The following TMEM178A variants were observed in gnomAD, a reference collection of about 807,000 sequenced individuals.
The protein encoded by TMEM178A is transmembrane protein 178A.
A neutral mutation model predicts 29.1 loss-of-function variants in TMEM178A; 12 were observed. The ratio of observed to expected loss-of-function variants is 0.41; its 90% CI spans 0.26 to 0.67. The LOEUF (loss-of-function observed/expected upper bound fraction) is 0.67. Ranked by LOEUF, TMEM178A falls within the 30% of genes least tolerant of loss-of-function variation. The pLI, the probability that TMEM178A is intolerant of heterozygous loss-of-function variation, is 0.29. For missense variants in TMEM178A, 366 were observed against 419.1 expected, an observed-to-expected ratio of 0.87 and a Z score of 1.11; for synonymous variants, 210 against 187.2, an observed-to-expected ratio of 1.12 and a Z score of -0.99.
chr2:39,702,168 G>T (rs527345000), intron 1 of TMEM178A, among the ~76,000 whole-genome samples: 1 of 151,652 alleles, frequency 6.6e-6, no homozygotes, highest in South Asian at 2.1e-4. Context: ...TTAGATTCTT[G>T]TCCCTTTCTA....
At chr2:39,731,003 T>A in the TMEM178A span, among the ~76,000 whole-genome samples, 1 of 152,212 alleles carries the variant, frequency 6.6e-6, no homozygotes, top group South Asian at 2.1e-4. Context: ...CAGTAAGCCA[T>A]TCCATCATGC....
At chr2:39,669,803 C>G (rs573427289) in intron 1 of TMEM178A, among the ~76,000 whole-genome samples, 1 of 152,206 alleles carries the variant, frequency 6.6e-6, no homozygotes, top group Non-Finnish European at 1.5e-5. Context: ...ATCTTGTTCA[C>G]TGGGATAACA....
the TMEM178A span, among the ~76,000 whole-genome samples, chr2:39,732,500 T>C: frequency 2.6e-5 from 4 of 152,166 alleles, no homozygotes; most frequent in African/African-American, 9.7e-5. Context: ...GCTTGGCGTG[T>C]CATTACTTCA....
chr2:39,724,883 C>T, the TMEM178A span, among the ~76,000 whole-genome samples: 4 of 152,222 alleles, frequency 2.6e-5, no homozygotes, highest in African/African-American at 9.7e-5. Context: ...GTCGAGCAGC[C>T]TCTACTTTAC....
At chr2:39,682,380 TG>T (rs879642351) in intron 1 of TMEM178A, among the ~76,000 whole-genome samples, 10 of 150,062 alleles carry the variant, frequency 6.7e-5, no homozygotes, top group Admixed American at 5.9e-4. Context: ...CAGTTTACTA[TG>T]TTTTTTTTTT....
intron 1 of TMEM178A, among the ~76,000 whole-genome samples, chr2:39,667,666 A>G (rs555001666): frequency 4.2e-4 from 64 of 152,280 alleles, no homozygotes; most frequent in African/African-American, 1.5e-3. Flanking sequence ...CATTTCTCAA[A>G]CATGTCAACT....
intron 3 of TMEM178A, among the ~76,000 whole-genome samples, chr2:39,708,281 A>G (rs941651175): frequency 3.3e-5 from 5 of 151,962 alleles, no homozygotes; most frequent in African/African-American, 1.2e-4. Flanking sequence ...ACAGGATAGT[A>G]TCACATGAGG....
chr2:39,706,792 C>T (rs888887360), intron 2 of TMEM178A, among the ~76,000 whole-genome samples: 1 of 152,164 alleles, frequency 6.6e-6, no homozygotes, highest in Non-Finnish European at 1.5e-5. Context: ...GGCTTGTCCT[C>T]TAGTCTATTC....
intron 1 of TMEM178A, among the ~76,000 whole-genome samples, chr2:39,692,911 T>C (rs1671383563): frequency 6.6e-6 from 1 of 152,180 alleles, no homozygotes; most frequent in South Asian, 2.1e-4. Context: ...AAAAATACAT[T>C]CCCAAATTTC....
chr2:39,723,620 T>G, the TMEM178A span, among the ~76,000 whole-genome samples: 18 of 152,210 alleles, frequency 1.2e-4, no homozygotes, highest in Non-Finnish European at 2.6e-4. Context: ...GGTGAGGGAC[T>G]GCCTCAGTAC....
chr2:39,670,138 A>G (rs185287580), intron 1 of TMEM178A, among the ~76,000 whole-genome samples: 1 of 152,292 alleles, frequency 6.6e-6, no homozygotes, highest in Admixed American at 6.5e-5. Context: ...AACAAAATGG[A>G]CTTAAAGCTT....
At chr2:39,681,200 C>T (rs1670855913) in intron 1 of TMEM178A, among the ~76,000 whole-genome samples, 1 of 152,180 alleles carries the variant, frequency 6.6e-6, no homozygotes, top group Non-Finnish European at 1.5e-5. Context: ...AATGGCAGAT[C>T]TGCTACTCAA....
intron 3 of TMEM178A, among the ~76,000 whole-genome samples, chr2:39,715,682 C>T (rs1572699872): frequency 1.3e-5 from 2 of 152,226 alleles, no homozygotes; most frequent in African/African-American, 2.4e-5. Context: ...ATCCAGTGTC[C>T]TTTTAATTTA....
In TMEM178A at chr2:39,666,759, T is replaced by A. The variant is rs1670182597; in HGVS notation, c.400+385T>A. 2.0e-5 allele frequency among the ~76,000 whole-genome samples: 3 copies of A among 152,346 alleles called. No individual in the cohort carries two copies. The South Asian group carries it at 6.2e-4, about 32-fold the overall frequency. The stretch of plus-strand genomic sequence containing the variant: ...TGACGCTGCTCCCCGTGAGGGGGAC[T>A]AACCGTCAAAGACTCGACTTTTCTC... On this transcript the variant is annotated intron_variant, in intron 1 of 3. Coordinates refer to ENST00000281961, the MANE Select transcript of TMEM178A (RefSeq NM_152390.3).
chr2:39,683,685 G>A (rs115414465), intron 1 of TMEM178A, among the ~76,000 whole-genome samples: 4,245 of 152,296 alleles, frequency 0.028, 185 homozygotes, highest in African/African-American at 0.097. Context: ...ACCTATTTTG[G>A]CACTGCAGTT....
intron 1 of TMEM178A, among the ~76,000 whole-genome samples, chr2:39,693,380 A>G (rs532709958): frequency 6.6e-6 from 1 of 152,334 alleles, no homozygotes; most frequent in East Asian, 1.9e-4. Context: ...CTGTTTTTGT[A>G]ACATGGGGTC....
At chr2:39,706,918 T>A (rs1672059769) in intron 2 of TMEM178A, 131 bp from the exon 3 acceptor site, 1 of 1,060,622 alleles carries the variant, frequency 9.4e-7, no homozygotes, top group Non-Finnish European at 1.3e-6. Context: ...CTATGCCTCC[T>A]TGTCCTGTGG....
At chr2:39,725,337 C>T in the TMEM178A span, among the ~76,000 whole-genome samples, 1 of 152,160 alleles carries the variant, frequency 6.6e-6, no homozygotes, top group Non-Finnish European at 1.5e-5. Context: ...GCCTGTGGGT[C>T]TGCGATACGC....
chr2:39,722,685 T>C (rs898178732), downstream of TMEM178A, among the ~76,000 whole-genome samples: 1 of 152,222 alleles, frequency 6.6e-6, no homozygotes, highest in Non-Finnish European at 1.5e-5. Context: ...TCACAGCAGA[T>C]AGACTATTGG....
Sources: gnomAD v4.1 joint callset for allele counts (sites outside exome capture counted in the v4.1 genomes callset) on GRCh38, gnomAD v4.1.1 for gene constraint, MANE v1.5 for transcripts, NCBI Gene and HGNC (gene_info 2026-07-23, HGNC 2026-07-21) for gene names.